Variants in ADCY2 observed in about 807,000 individuals in gnomAD.
ADCY2 encodes the protein adenylate cyclase type 2.
Under a neutral mutation model 125.2 loss-of-function variants are expected in ADCY2, and 31 were observed. The observed-to-expected ratio is 0.25, with a 90% CI of 0.19 to 0.33. The LOEUF is 0.33. Among genes scored for constraint, ADCY2 ranks in the 10% least tolerant of loss-of-function variants. The pLI is 1.00. For synonymous variants in ADCY2, 512 were observed against 548.4 expected (o/e 0.93, Z 0.93); for missense variants, 904 against 1,418.2 (o/e 0.64, Z 5.82).
intron 1 of ADCY2, among the ~76,000 whole-genome samples, chr5:7,409,250 G>GC (rs1332006364): frequency 3.3e-5 from 5 of 152,150 alleles, no homozygotes; most frequent in African/African-American, 1.2e-4. Context: ...AGGGTGGGAG[G>GC]AGTGAGAGGA....
intron 2 of ADCY2, among the ~76,000 whole-genome samples, chr5:7,502,555 G>A (rs1394013671): frequency 2.0e-5 from 3 of 152,218 alleles, no homozygotes; most frequent in East Asian, 1.9e-4. Context: ...CCTGATGGCC[G>A]ATGATACCAA....
At chr5:7,789,161 A>G (rs1744174827) in intron 19 of ADCY2, among the ~76,000 whole-genome samples, 1 of 152,260 alleles carries the variant, frequency 6.6e-6, no homozygotes, top group African/African-American at 2.4e-5. Flanking sequence ...ATATTTTGCA[A>G]TGATTACATA....
chr5:7,560,173 T>G (rs1174058667), intron 3 of ADCY2, among the ~76,000 whole-genome samples: 1 of 152,222 alleles, frequency 6.6e-6, no homozygotes, highest in Non-Finnish European at 1.5e-5. Context: ...AGATGCCATT[T>G]TGTAAAATTA....
intron 7 of ADCY2, among the ~76,000 whole-genome samples, chr5:7,704,636 T>C (rs896020275): frequency 7.9e-5 from 12 of 152,076 alleles, no homozygotes; most frequent in Non-Finnish European, 1.6e-4. Context: ...TCCCAGCACT[T>C]TGGGAGGCCG....
chr5:7,614,297 A>G (rs1737676651), intron 3 of ADCY2, among the ~76,000 whole-genome samples: 3 of 152,118 alleles, frequency 2.0e-5, no homozygotes, highest in Admixed American at 2.0e-4. Context: ...CCATCTCTCT[A>G]TCCCCTCTGA....
chr5:7,477,748 A>G (rs1401272047), intron 2 of ADCY2, among the ~76,000 whole-genome samples: 1 of 152,220 alleles, frequency 6.6e-6, no homozygotes, highest in Non-Finnish European at 1.5e-5. Flanking sequence ...AACTAAGTCT[A>G]GAGAATTGAA....
rs149357541 is a variant in ADCY2 at position 7,419,268 on chromosome 5, C to T, written c.408+4498C>T. Among the ~76,000 whole-genome samples, 27 of 152,212 alleles carry T rather than the reference C, an allele frequency of 1.8e-4. No homozygotes were observed. In the East Asian group the frequency reaches 4.8e-3, roughly 27 times the overall value. ...TTGGACAATTTTCTAGAAGAACCCA[C>T]GGAACTTGTGACAGCCGTTATCGCT... On this transcript the variant is annotated intron_variant, in intron 2 of 24. Coordinates refer to ENST00000338316, the MANE Select transcript of ADCY2 (RefSeq NM_020546.3).
At chr5:7,824,767 C>T (rs1745412676) in intron 24 of ADCY2, among the ~76,000 whole-genome samples, 1 of 152,162 alleles carries the variant, frequency 6.6e-6, no homozygotes, top group East Asian at 1.9e-4. Context: ...TTCCATAGCC[C>T]GCCCTTGAGA....
intron 3 of ADCY2, among the ~76,000 whole-genome samples, chr5:7,562,135 A>G (rs1299056741): frequency 1.3e-5 from 2 of 152,012 alleles, no homozygotes; most frequent in African/African-American, 2.4e-5. Context: ...ATATAAGAAA[A>G]ACTCTCAATT....
In ADCY2 at chr5:7,484,731, G is replaced by T. The variant is rs1441565259; in HGVS notation, c.409-36007G>T. ...TTGGGCCAGCTTCTCTTGGGTACCA[G>T]TTTTCAGGTATTCTCAGCTACCCAG... On this transcript the variant is annotated intron_variant, in intron 2 of 24. Transcript: ENST00000338316. 3.3e-5 allele frequency among the ~76,000 whole-genome samples: 5 copies of T among 152,128 alleles called. No individual in the cohort carries two copies. The South Asian group carries it at 1.0e-3, about 32-fold the overall frequency.
intron 8 of ADCY2, 90 bp from the exon 9 acceptor site, chr5:7,707,616 T>G: frequency 6.7e-7 from 1 of 1,490,800 alleles, no homozygotes; most frequent in South Asian, 1.3e-5. Context: ...CTTTAGTGGA[T>G]AAATTATTTC....
intron 1 of ADCY2, among the ~76,000 whole-genome samples, chr5:7,414,258 C>G (rs1335855533): frequency 6.6e-6 from 1 of 152,176 alleles, no homozygotes; most frequent in African/African-American, 2.4e-5. Context: ...CTTATTTTCT[C>G]CTGGCATTAA....
chr5:7,676,391 G>A (rs1740128202), intron 4 of ADCY2, among the ~76,000 whole-genome samples: 1 of 152,168 alleles, frequency 6.6e-6, no homozygotes, highest in African/African-American at 2.4e-5. Flanking sequence ...GATGAATCAT[G>A]AAACATACCT....
At chr5:7,816,448 G>A (rs1042607020) in intron 22 of ADCY2, among the ~76,000 whole-genome samples, 4 of 152,196 alleles carry the variant, frequency 2.6e-5, no homozygotes, top group African/African-American at 9.6e-5. Flanking sequence ...GACAAGGAGC[G>A]GGCACCCCCT....
At chr5:7,761,626 A>G (rs1743218125) in intron 16 of ADCY2, among the ~76,000 whole-genome samples, 1 of 152,214 alleles carries the variant, frequency 6.6e-6, no homozygotes, top group Admixed American at 6.5e-5. Context: ...GTAAGCATAC[A>G]GCCCTTTAAA....
Position 7,661,601 on chromosome 5 carries a change from A to G in ADCY2, c.721-29090A>G, listed in dbSNP as rs562033039. On this transcript the variant is annotated intron_variant, in intron 4 of 24. Transcript: ENST00000338316. ...GTTTTAATGGTCGAATAAATGATTC[A>G]ATGATGTAATACTCAGTGACCTGGC... Among the ~76,000 whole-genome samples the G allele has an allele frequency of 2.0e-5, 3 of 152,352 alleles. No individual in the cohort carries two copies. In the South Asian group the frequency reaches 6.2e-4, roughly 32 times the overall value.
intron 3 of ADCY2, among the ~76,000 whole-genome samples, chr5:7,538,701 G>A (rs1734896494): frequency 6.6e-6 from 1 of 151,876 alleles, no homozygotes; most frequent in African/African-American, 2.4e-5. Context: ...AACCTTAATG[G>A]GAAGAAATGC....
chr5:7,497,500 A>C (rs1201265291), intron 2 of ADCY2, among the ~76,000 whole-genome samples: 1 of 152,176 alleles, frequency 6.6e-6, no homozygotes, highest in Non-Finnish European at 1.5e-5. Flanking sequence ...AGTAATATCT[A>C]GTTGAGGCGG....
intron 2 of ADCY2, among the ~76,000 whole-genome samples, chr5:7,487,748 G>C (rs1742994864): frequency 6.6e-6 from 1 of 152,188 alleles, no homozygotes; most frequent in African/African-American, 2.4e-5. Context: ...AGAAGATGAA[G>C]ATTATTCCAC....
Sources: allele counts gnomAD v4.1 joint callset (sites outside exome capture counted in the v4.1 genomes callset), GRCh38; gene constraint gnomAD v4.1.1; transcripts MANE v1.5; gene names NCBI Gene and HGNC (gene_info 2026-07-23, HGNC 2026-07-21).